The following CSMD1 variants were observed in gnomAD, a reference collection of about 807,000 sequenced individuals.
The protein encoded by CSMD1 is CUB and Sushi multiple domains 1, also known as CUB and sushi domain-containing protein 1.
In CSMD1, 213 loss-of-function variants were observed where a neutral mutation model predicts 417.5. The observed-to-expected ratio is 0.51, with a 90% CI of 0.46 to 0.57. The LOEUF (loss-of-function observed/expected upper bound fraction) is 0.57. Ranked by LOEUF, CSMD1 falls within the 20% of genes least tolerant of loss-of-function variation. The probability of loss-of-function intolerance (pLI) is 0.00; values close to 1 mark genes in which losing one functional copy is unlikely to be tolerated. For synonymous variants in CSMD1, 2,862 were observed against 1,736.8 expected (o/e 1.65, Z -16.11); for missense variants, 6,923 against 4,529.7 (o/e 1.53, Z -15.17).
At chr8:3,774,216 C>G (rs528941109) in intron 5 of CSMD1, among the ~76,000 whole-genome samples, 2 of 152,268 alleles carry the variant, frequency 1.3e-5, no homozygotes, top group African/African-American at 4.8e-5. Context: ...TTTCTCTTAT[C>G]CAACAACTTT....
intron 5 of CSMD1, among the ~76,000 whole-genome samples, chr8:3,927,191 A>G (rs1349289755): frequency 6.6e-6 from 1 of 151,980 alleles, no homozygotes; most frequent in Non-Finnish European, 1.5e-5. Flanking sequence ...TAGAGATATT[A>G]TATCTAACAG....
At chr8:4,270,127 GT>G (rs1472458020) in intron 3 of CSMD1, among the ~76,000 whole-genome samples, 2 of 152,194 alleles carry the variant, frequency 1.3e-5, no homozygotes, top group Non-Finnish European at 2.9e-5. Context: ...GACTTTGGTT[GT>G]GATAGGGAGG....
intron 2 of CSMD1, among the ~76,000 whole-genome samples, chr8:4,509,183 C>A (rs1259926269): frequency 6.6e-6 from 1 of 152,036 alleles, no homozygotes; most frequent in African/African-American, 2.4e-5. Context: ...TTCTTTTTAA[C>A]AAAATCATCC....
chr8:4,195,922 A>G (rs943194733), intron 3 of CSMD1, among the ~76,000 whole-genome samples: 1 of 152,040 alleles, frequency 6.6e-6, no homozygotes, highest in Non-Finnish European at 1.5e-5. Context: ...ATGAGATAAA[A>G]AATGCCAGGC....
chr8:4,355,867 C>G (rs142683862), intron 3 of CSMD1, among the ~76,000 whole-genome samples: 1 of 152,214 alleles, frequency 6.6e-6, no homozygotes, highest in Non-Finnish European at 1.5e-5. Flanking sequence ...AGGATGGGAA[C>G]CAGGCCTTGC....
At chr8:3,545,673 T>G (rs760341213) in intron 10 of CSMD1, among the ~76,000 whole-genome samples, 2 of 152,194 alleles carry the variant, frequency 1.3e-5, no homozygotes, top group African/African-American at 2.4e-5. Flanking sequence ...GACACTGCCT[T>G]TGGCAAAATT....
chr8:3,909,479 A>G (rs991574327), intron 5 of CSMD1, among the ~76,000 whole-genome samples: 1 of 152,138 alleles, frequency 6.6e-6, no homozygotes, highest in Non-Finnish European at 1.5e-5. Flanking sequence ...GCAGTGCGGA[A>G]ATATCCAGAG....
chr8:4,259,071 C>T (rs565901993), intron 3 of CSMD1, among the ~76,000 whole-genome samples: 3 of 152,198 alleles, frequency 2.0e-5, no homozygotes, highest in South Asian at 2.1e-4. Flanking sequence ...TGAGTTTGAA[C>T]GCTGATGATT....
chr8:3,665,969 C>G (rs927948099), intron 7 of CSMD1, among the ~76,000 whole-genome samples: 2 of 152,106 alleles, frequency 1.3e-5, no homozygotes, highest in African/African-American at 4.8e-5. Context: ...CCTCCACCTG[C>G]CAGATTCAAG....
intron 8 of CSMD1, among the ~76,000 whole-genome samples, chr8:3,615,357 C>T (rs1030104902): frequency 6.6e-6 from 1 of 152,156 alleles, no homozygotes; most frequent in East Asian, 1.9e-4. Flanking sequence ...TAGCTCTTTA[C>T]TCCAATTCTA....
At chr8:4,063,097 A>C (rs1799064961) in intron 3 of CSMD1, among the ~76,000 whole-genome samples, 1 of 152,160 alleles carries the variant, frequency 6.6e-6, no homozygotes, top group Non-Finnish European at 1.5e-5. Context: ...GTTTGATAGC[A>C]CTGTAAGTTG....
chr8:4,406,272 T>C (rs1397850753), intron 3 of CSMD1, among the ~76,000 whole-genome samples: 1 of 152,136 alleles, frequency 6.6e-6, no homozygotes, highest in Admixed American at 6.5e-5. Flanking sequence ...TGCCCTCAGA[T>C]AGTGCAATTC....
chr8:4,236,535 A>C (rs979459894), intron 3 of CSMD1, among the ~76,000 whole-genome samples: 10 of 152,226 alleles, frequency 6.6e-5, no homozygotes, highest in African/African-American at 2.4e-4. Flanking sequence ...GCGAGATTTC[A>C]TGTGACTTAG....
chr8:4,204,305 T>C (rs750858279), intron 3 of CSMD1, among the ~76,000 whole-genome samples: 1 of 152,196 alleles, frequency 6.6e-6, no homozygotes, highest in Non-Finnish European at 1.5e-5. Context: ...TGGTTTTCTT[T>C]CTCAGAATCA....
intron 12 of CSMD1, among the ~76,000 whole-genome samples, chr8:3,465,223 G>T (rs1816729809): frequency 6.6e-6 from 1 of 152,088 alleles, no homozygotes; most frequent in Admixed American, 6.5e-5. Flanking sequence ...ATTTTCAGGG[G>T]ATGCACAGGC....
At chr8:3,943,816 A>G (rs1014151431) in intron 5 of CSMD1, among the ~76,000 whole-genome samples, 1 of 152,088 alleles carries the variant, frequency 6.6e-6, no homozygotes, top group Non-Finnish European at 1.5e-5. Flanking sequence ...CTTACTCTCC[A>G]AAAGTGTAAA....
At chr8:3,913,605 G>A (rs1185111323) in intron 5 of CSMD1, among the ~76,000 whole-genome samples, 1 of 152,164 alleles carries the variant, frequency 6.6e-6, no homozygotes, top group South Asian at 2.1e-4. Flanking sequence ...CACAGATCTG[G>A]CAAGAATGTA....
chr8:4,886,556 G>C (rs1803753038), intron 1 of CSMD1, among the ~76,000 whole-genome samples: 2 of 151,834 alleles, frequency 1.3e-5, no homozygotes, highest in South Asian at 2.1e-4. Flanking sequence ...TTTTTTGAAA[G>C]TGTGGATATA....
rs796222558 is a variant in CSMD1 at position 3,000,302 on chromosome 8, A to AT, written c.8030-172dup. ...AAATATAGTTTTTCTTTTTTTTATTATTTTTTTTCAGAAATCCTGGAAAAA... is the reference window on the plus strand; with the variant it reads ...AAATATAGTTTTTCTTTTTTTTATTATTTTTTTTTCAGAAATCCTGGAAAAA... On this transcript the variant is annotated intron_variant, in intron 52 of 69. Transcript: ENST00000635120. Among the ~76,000 whole-genome samples the AT allele has an allele frequency of 1.7e-3, 258 of 149,972 alleles. 1 individual carries two copies. Among genetic ancestry groups the AT allele is most frequent in the African/African-American group, 5.5e-3 (226 of 40,804 alleles).
Sources: allele counts gnomAD v4.1 joint callset (sites outside exome capture counted in the v4.1 genomes callset), GRCh38; gene constraint gnomAD v4.1.1; transcripts MANE v1.5; gene names NCBI Gene and HGNC (gene_info 2026-07-23, HGNC 2026-07-21).